The following DOCK1 variants were observed in gnomAD, a reference collection of about 807,000 sequenced individuals.
The protein encoded by DOCK1 is dedicator of cytokinesis 1.
In DOCK1, 138 loss-of-function variants were observed where a neutral mutation model predicts 262.7. The observed-to-expected ratio is 0.53, with a 90% CI of 0.46 to 0.61. The LOEUF is 0.61. Among genes scored for constraint, DOCK1 ranks in the 20% least tolerant of loss-of-function variants. DOCK1 has a pLI of 0.00. For synonymous variants in DOCK1, 866 were observed against 867.4 expected, an observed-to-expected ratio of 1.00 and a Z score of 0.03; for missense variants, 1,908 against 2,370.7, an observed-to-expected ratio of 0.80 and a Z score of 4.05.
intron 48 of DOCK1, among the ~76,000 whole-genome samples, chr10:127,435,577 T>TC (rs1355476583): frequency 6.6e-6 from 1 of 152,132 alleles, no homozygotes; most frequent in Non-Finnish European, 1.5e-5. Context: ...ATTCAACTTC[T>TC]CCCCGAGAAA....
chr10:127,210,201 G>A (rs966190020), intron 27 of DOCK1, among the ~76,000 whole-genome samples: 2 of 152,176 alleles, frequency 1.3e-5, no homozygotes, highest in Non-Finnish European at 2.9e-5. Context: ...CATTACCTAT[G>A]GAAACCACTG....
At chr10:127,420,107 C>T (rs1055960556) in intron 46 of DOCK1, among the ~76,000 whole-genome samples, 1 of 152,196 alleles carries the variant, frequency 6.6e-6, no homozygotes, top group African/African-American at 2.4e-5. Flanking sequence ...GAAAGGCGCT[C>T]GGGCCAGTGC....
At chr10:126,998,483 C>T (rs1397295033) in intron 8 of DOCK1, 2 of 468,130 alleles carry the variant, frequency 4.3e-6, no homozygotes, top group Non-Finnish European at 7.7e-6. Flanking sequence ...AGAGTTATAG[C>T]AGTTGCAGGT....
At chr10:127,331,119 G>A (rs1430245590) in intron 29 of DOCK1, among the ~76,000 whole-genome samples, 1 of 152,150 alleles carries the variant, frequency 6.6e-6, no homozygotes, top group Non-Finnish European at 1.5e-5. Context: ...ATATAGGAAT[G>A]AGTTGTCTGC....
At chr10:127,387,551 T>C (rs2066199279) in intron 38 of DOCK1, among the ~76,000 whole-genome samples, 1 of 152,192 alleles carries the variant, frequency 6.6e-6, no homozygotes, top group Non-Finnish European at 1.5e-5. Flanking sequence ...AAACATCCTC[T>C]TTTCTCCTTT....
intron 48 of DOCK1, among the ~76,000 whole-genome samples, chr10:127,434,410 T>C (rs1315616369): frequency 2.0e-5 from 3 of 152,266 alleles, no homozygotes; most frequent in African/African-American, 7.2e-5. Flanking sequence ...CACAGCTCAC[T>C]GCAGCCTCCA....
intron 18 of DOCK1, among the ~76,000 whole-genome samples, chr10:127,035,495 T>A (rs1170648825): frequency 6.6e-6 from 1 of 152,186 alleles, no homozygotes; most frequent in Non-Finnish European, 1.5e-5. Context: ...CAGCACTCCC[T>A]TTGCTCCAAG....
At chr10:127,333,330 C>T (rs1022330772) in intron 29 of DOCK1, among the ~76,000 whole-genome samples, 2 of 152,144 alleles carry the variant, frequency 1.3e-5, no homozygotes, top group African/African-American at 2.4e-5. Context: ...CCACATTCTC[C>T]CTCTGTAGTA....
intron 29 of DOCK1, among the ~76,000 whole-genome samples, chr10:127,284,259 C>T (rs913221686): frequency 1.3e-5 from 2 of 152,016 alleles, no homozygotes; most frequent in Admixed American, 6.5e-5. Flanking sequence ...GTTTGCCCAT[C>T]TCATTCGGTT....
At chr10:127,153,927 C>T (rs762437757) in intron 27 of DOCK1, 21 of 1,612,776 alleles carry the variant, frequency 1.3e-5, no homozygotes, top group African/African-American at 2.7e-5. Context: ...TGAAAGCCTA[C>T]AAGATAAGAA....
chr10:126,926,906 T>C (rs1190547051), intron 1 of DOCK1, among the ~76,000 whole-genome samples: 1 of 152,124 alleles, frequency 6.6e-6, no homozygotes, highest in Non-Finnish European at 1.5e-5. Context: ...AAAATAAATA[T>C]CTGTTATTAG....
At chr10:127,398,161 G>C (rs1368608107) in intron 38 of DOCK1, among the ~76,000 whole-genome samples, 1 of 152,174 alleles carries the variant, frequency 6.6e-6, no homozygotes, top group Non-Finnish European at 1.5e-5. Flanking sequence ...AGGGAATCAG[G>C]CCTGAGTCTG....
At chr10:127,010,420 TCACGC>T (rs1181979430) in intron 11 of DOCK1, among the ~76,000 whole-genome samples, 1 of 152,198 alleles carries the variant, frequency 6.6e-6, no homozygotes, top group African/African-American at 2.4e-5. Context: ...TGAGCCAAGA[TCACGC>T]CACTGCACTC....
intron 1 of DOCK1, among the ~76,000 whole-genome samples, chr10:126,906,650 C>G (rs1284105115): frequency 6.6e-6 from 1 of 152,208 alleles, no homozygotes; most frequent in Non-Finnish European, 1.5e-5. Flanking sequence ...GCAGCAGCCC[C>G]GCGCCCATTC....
intron 33 of DOCK1, among the ~76,000 whole-genome samples, chr10:127,367,756 C>A (rs1290459688): frequency 1.3e-5 from 2 of 152,200 alleles, no homozygotes; most frequent in African/African-American, 4.8e-5. Flanking sequence ...GAAGGCGTTC[C>A]CAGCGACTGG....
chr10:127,175,056 A>C lies in DOCK1; in HGVS notation c.2847+47292A>C, dbSNP rs568598834. 1.3e-5 allele frequency among the ~76,000 whole-genome samples: 2 copies of C among 152,300 alleles called. No homozygotes were observed. Among genetic ancestry groups the C allele is most frequent in the Non-Finnish European group, 2.9e-5 (2 of 68,040 alleles). ...CAGTGACGTCTAGTATCATAAAATAATCTGCGACCCCTTGGAGCTCGCCAC... is the reference window on the plus strand; with the variant it reads ...CAGTGACGTCTAGTATCATAAAATACTCTGCGACCCCTTGGAGCTCGCCAC... On this transcript the variant is annotated intron_variant, in intron 27 of 51. Coordinates refer to ENST00000623213, the MANE Select transcript of DOCK1 (RefSeq NM_001290223.2). This position sits in a 1 kb window ranked among gnomAD's most constrained non-coding sequence, Gnocchi z 6.3.
chr10:127,158,331 G>C (rs1426332050), intron 27 of DOCK1, among the ~76,000 whole-genome samples: 2 of 152,214 alleles, frequency 1.3e-5, no homozygotes, highest in Non-Finnish European at 2.9e-5. Context: ...TGACAGTAGG[G>C]CTGGAGATCT....
chr10:127,407,760 G>C (rs1021789368), intron 40 of DOCK1, among the ~76,000 whole-genome samples: 1 of 152,122 alleles, frequency 6.6e-6, no homozygotes, highest in Admixed American at 6.5e-5. Context: ...CCAACCTGGA[G>C]GTTCTTCCCC....
At position 127,397,781 on chromosome 10, in the gene DOCK1, C is replaced by T. The variant is rs185170024; in HGVS notation, c.3928-5274C>T. On this transcript the variant is annotated intron_variant, in intron 38 of 51. Transcript: ENST00000623213. The stretch of plus-strand genomic sequence containing the variant: ...GGCAGCGACTCCTGTATGACACGGG[C>T]AGTGACTCCTGTATGACACGGGCAG... Among the ~76,000 whole-genome samples, 503 of 145,598 alleles carry T rather than the reference C, an allele frequency of 3.5e-3. 4 individuals carry two copies. Among genetic ancestry groups the T allele is most frequent in the African/African-American group, 0.013 (479 of 36,026 alleles).
Sources: allele counts gnomAD v4.1 joint callset (sites outside exome capture counted in the v4.1 genomes callset), GRCh38; gene constraint gnomAD v4.1.1; non-coding constraint Gnocchi (gnomAD v3.1); transcripts MANE v1.5; gene names NCBI Gene and HGNC (gene_info 2026-07-23, HGNC 2026-07-21).